ZCWPW2: variants seen among roughly 807,000 people sequenced by gnomAD.
ZCWPW2 encodes zinc finger CW-type and PWWP domain containing 2.
A neutral mutation model predicts 46.6 loss-of-function variants in ZCWPW2; 45 were observed. The observed-to-expected ratio is 0.96, with a 90% CI of 0.76 to 1.24. The LOEUF is 1.24. Among genes scored for constraint, ZCWPW2 ranks in the 50% most tolerant of loss-of-function variants. The pLI, the probability that ZCWPW2 is intolerant of heterozygous loss-of-function variation, is 0.00. For missense variants in ZCWPW2, 429 were observed against 403.9 expected, an observed-to-expected ratio of 1.06 and a Z score of -0.53; for synonymous variants, 152 against 137.1, an observed-to-expected ratio of 1.11 and a Z score of -0.76.
At chr3:28,498,961 T>TG (rs1196442088) in intron 6 of ZCWPW2, among the ~76,000 whole-genome samples, 1 of 152,148 alleles carries the variant, frequency 6.6e-6, no homozygotes, top group African/African-American at 2.4e-5. Flanking sequence ...TCCATGTCCC[T>TG]GCAAAGGACG....
intron 2 of ZCWPW2, among the ~76,000 whole-genome samples, chr3:28,394,586 A>G (rs188320594): frequency 6.6e-6 from 1 of 152,106 alleles, no homozygotes; most frequent in African/African-American, 2.4e-5. Context: ...CAAGAGGAAG[A>G]GACCAGAAAT....
At chr3:28,491,449 G>C (rs1418303809) in intron 5 of ZCWPW2, among the ~76,000 whole-genome samples, 1 of 151,980 alleles carries the variant, frequency 6.6e-6, no homozygotes, top group Non-Finnish European at 1.5e-5. Context: ...TTTTAGGAGT[G>C]GTATAATGAG....
chr3:28,487,750 G>C (rs143680246), intron 5 of ZCWPW2, among the ~76,000 whole-genome samples: 288 of 152,228 alleles, frequency 1.9e-3, no homozygotes, highest in African/African-American at 6.5e-3. Flanking sequence ...TAAGACATGA[G>C]GGGGAGGGAA....
chr3:28,519,951 G>A (rs187263354), intron 8 of ZCWPW2, among the ~76,000 whole-genome samples: 1 of 151,628 alleles, frequency 6.6e-6, no homozygotes, highest in Non-Finnish European at 1.5e-5. Context: ...TCTTTGGTGG[G>A]GATATTGTTT....
Position 28,349,158 on chromosome 3 carries a change from G to A in ZCWPW2, c.-179G>A. ...TCCCGTGAGCCTCCGCGGCGGGACG[G>A]GGCGGGGCCGCGGGACGCCAGGAGG... On this transcript the variant is annotated 5_prime_UTR_variant, in exon 1 of 10. Transcript: ENST00000383768. 1 of 985,704 alleles carries A rather than the reference G, an allele frequency of 1.0e-6. No individual in the cohort carries two copies. Among genetic ancestry groups the A allele is most frequent in the Non-Finnish European group, 1.2e-6 (1 of 830,170 alleles). The allele number at this position is 985,704 out of a possible 1,614,324, so 61.1% of individuals were successfully genotyped here.
At chr3:28,502,751 T>A (rs539357403) in intron 6 of ZCWPW2, among the ~76,000 whole-genome samples, 105 of 152,222 alleles carry the variant, frequency 6.9e-4, no homozygotes, top group African/African-American at 2.3e-3. Flanking sequence ...GGGTTGCAGT[T>A]GTAAGGGGCT....
chr3:28,500,340 G>T (rs1454155668), intron 6 of ZCWPW2, among the ~76,000 whole-genome samples: 2 of 151,778 alleles, frequency 1.3e-5, no homozygotes, highest in Non-Finnish European at 2.9e-5. Context: ...AACATAGTTT[G>T]GTTCTCTATC....
At chr3:28,391,930 T>G (rs1390600674) in intron 2 of ZCWPW2, among the ~76,000 whole-genome samples, 1 of 152,120 alleles carries the variant, frequency 6.6e-6, no homozygotes, top group Non-Finnish European at 1.5e-5. Flanking sequence ...CAGAAAAAAT[T>G]TAACAAAATG....
intron 4 of ZCWPW2, among the ~76,000 whole-genome samples, chr3:28,439,860 C>G (rs916583157): frequency 6.6e-6 from 1 of 152,200 alleles, no homozygotes; most frequent in African/African-American, 2.4e-5. Context: ...AGCAAATACT[C>G]ATGACAATTA....
At chr3:28,522,925 T>C (rs1454282457) in intron 9 of ZCWPW2, among the ~76,000 whole-genome samples, 1 of 152,182 alleles carries the variant, frequency 6.6e-6, no homozygotes, top group Admixed American at 6.6e-5. Flanking sequence ...TGCAGTGTTT[T>C]TCAGTGTTAG....
At chr3:28,497,478 A>G (rs1270403788) in intron 6 of ZCWPW2, among the ~76,000 whole-genome samples, 2 of 151,742 alleles carry the variant, frequency 1.3e-5, no homozygotes, top group Non-Finnish European at 3.0e-5. Flanking sequence ...TGGTGCTTCT[A>G]TAAGAAATGA....
At position 28,435,127 on chromosome 3, in the gene ZCWPW2, G is replaced by T. The variant is rs140221629; in HGVS notation, c.350G>T (p.Cys117Phe). 22 of 1,611,292 alleles carry T rather than the reference G, an allele frequency of 1.4e-5. No individual in the cohort carries two copies. In the African/African-American group the frequency reaches 2.5e-4, roughly 19 times the overall value. Reference sequence around the variant, plus strand: ...TTTGAAAGTTGGCCAGGAATACTTTGCCCTGACCGTTTTAAAGGGAAATAT... The same window carrying T: ...TTTGAAAGTTGGCCAGGAATACTTTTCCCTGACCGTTTTAAAGGGAAATAT... ...QNWPSWPGIL[C>F]PDRFKGKYVT... Residue 117 changes from cysteine to phenylalanine, a missense_variant, in exon 4 of 10, where the codon TGC becomes TTC. Cys to Phe is a radical substitution (Grantham distance 205). Transcript: ENST00000383768.
At chr3:28,465,236 G>C (rs111929075) in intron 4 of ZCWPW2, among the ~76,000 whole-genome samples, 22 of 152,106 alleles carry the variant, frequency 1.4e-4, no homozygotes, top group African/African-American at 5.3e-4. Flanking sequence ...AACCATAATG[G>C]TATTACTGTA....
chr3:28,517,407 A>G (rs1700604180), intron 8 of ZCWPW2, among the ~76,000 whole-genome samples: 2 of 152,246 alleles, frequency 1.3e-5, no homozygotes, highest in South Asian at 2.1e-4. Context: ...TAATCATGGC[A>G]GAAGGTAAAG....
intron 1 of ZCWPW2, among the ~76,000 whole-genome samples, chr3:28,355,090 A>G (rs1704681758): frequency 6.6e-6 from 1 of 152,046 alleles, no homozygotes; most frequent in African/African-American, 2.4e-5. Context: ...ACATGATTGT[A>G]TATCTAGAAA....
In ZCWPW2 at chr3:28,478,822, G is replaced by A; in HGVS notation, c.501G>A (p.Lys167=). 1 of 1,534,394 alleles carries A rather than the reference G, an allele frequency of 6.5e-7. No individual in the cohort carries two copies. Among genetic ancestry groups the A allele is most frequent in the Non-Finnish European group, 8.7e-7 (1 of 1,143,778 alleles). ...GHYSITLKPE[K]CKNKKKWYKS... ...TTTCTGTATTTATATAGCCAGAAAA[G>A]TGTAAGAATAAAAAGAAGTGGTATA... Residue 167 remains lysine (K), a synonymous_variant, in exon 5 of 10, where the codon AAG becomes AAA. Transcript: ENST00000383768.
chr3:28,473,890 T>G (rs748434881), intron 4 of ZCWPW2, among the ~76,000 whole-genome samples: 1 of 152,096 alleles, frequency 6.6e-6, no homozygotes, highest in Non-Finnish European at 1.5e-5. Context: ...TAATGGAGTG[T>G]CAGGGGGATG....
intron 5 of ZCWPW2, among the ~76,000 whole-genome samples, chr3:28,491,700 A>G (rs544757066): frequency 5.9e-4 from 90 of 152,184 alleles, no homozygotes; most frequent in African/African-American, 1.9e-3. Context: ...ACAAGGTTAT[A>G]ATGAGAATTA....
intron 3 of ZCWPW2, among the ~76,000 whole-genome samples, chr3:28,426,631 A>G (rs1442160461): frequency 6.6e-6 from 1 of 152,154 alleles, no homozygotes; most frequent in African/African-American, 2.4e-5. Flanking sequence ...TTTGCATATC[A>G]ATTAATATAC....
Sources: allele counts gnomAD v4.1 joint callset (sites outside exome capture counted in the v4.1 genomes callset), GRCh38; gene constraint gnomAD v4.1.1; transcripts MANE v1.5; gene names NCBI Gene and HGNC (gene_info 2026-07-23, HGNC 2026-07-21).